Variants in ATP8B1 observed in about 807,000 individuals in gnomAD.
ATP8B1 encodes the protein phospholipid-transporting ATPase IC.
In ATP8B1, 80 loss-of-function variants were observed where a neutral mutation model predicts 149.9. That is an observed-to-expected ratio of 0.53 (90% confidence interval 0.45 to 0.64). The LOEUF is 0.64. Among genes scored for constraint, ATP8B1 ranks in the 30% least tolerant of loss-of-function variants. The pLI is 0.00. For missense variants in ATP8B1, 1,247 were observed against 1,552.6 expected (o/e 0.80, Z 3.31); for synonymous variants, 536 against 562.8 (o/e 0.95, Z 0.67).
intron 1 of ATP8B1, among the ~76,000 whole-genome samples, chr18:57,763,013 G>GA (rs2080171722): frequency 6.6e-6 from 1 of 152,174 alleles, no homozygotes; most frequent in African/African-American, 2.4e-5. Flanking sequence ...CTAAGTGAGG[G>GA]AAAATGAACT....
At chr18:57,785,606 AG>A (rs1228818532) in intron 1 of ATP8B1, among the ~76,000 whole-genome samples, 2 of 152,164 alleles carry the variant, frequency 1.3e-5, no homozygotes, top group Non-Finnish European at 2.9e-5. Context: ...CCAGGGTTCA[AG>A]TGACTCTCCT....
chr18:57,763,263 G>A (rs900759630), intron 1 of ATP8B1, among the ~76,000 whole-genome samples: 2 of 152,030 alleles, frequency 1.3e-5, no homozygotes, highest in East Asian at 1.9e-4. Context: ...TTGGTGGCAC[G>A]TGCCTATAAT....
At chr18:57,716,155 C>G (rs895616635) in intron 2 of ATP8B1, among the ~76,000 whole-genome samples, 1 of 151,956 alleles carries the variant, frequency 6.6e-6, no homozygotes, top group African/African-American at 2.4e-5. Context: ...TTAGACAGTA[C>G]TTACAAGCCT....
At chr18:57,758,031 T>C (rs940062687) in intron 1 of ATP8B1, among the ~76,000 whole-genome samples, 3 of 152,082 alleles carry the variant, frequency 2.0e-5, no homozygotes, top group South Asian at 2.1e-4. Flanking sequence ...AAAATAGGGA[T>C]GGGGGTCTCA....
chr18:57,736,306 G>T (rs1381291877), intron 1 of ATP8B1, among the ~76,000 whole-genome samples: 1 of 152,092 alleles, frequency 6.6e-6, no homozygotes, highest in Non-Finnish European at 1.5e-5. Context: ...TTGCTGAGTA[G>T]AAGCTTTTTA....
chr18:57,745,838 T>C (rs1282126748), intron 1 of ATP8B1, among the ~76,000 whole-genome samples: 2 of 151,730 alleles, frequency 1.3e-5, no homozygotes, highest in Admixed American at 1.3e-4. Context: ...TTGAGAAAAT[T>C]TTTGTAAAGA....
intron 1 of ATP8B1, among the ~76,000 whole-genome samples, chr18:57,750,943 ACT>A (rs1451313672): frequency 4.6e-5 from 7 of 151,996 alleles, no homozygotes; most frequent in Non-Finnish European, 7.3e-5. Context: ...ACATGGTGAA[ACT>A]CTGTCTCTAG....
chr18:57,730,668 C>G (rs2123127350), intron 2 of ATP8B1, among the ~76,000 whole-genome samples: 1 of 152,304 alleles, frequency 6.6e-6, no homozygotes, highest in Non-Finnish European at 1.5e-5. Context: ...CGGTCACTTA[C>G]ACTCAACATT....
chr18:57,800,709 T>G (rs1446095682), intron 1 of ATP8B1, among the ~76,000 whole-genome samples: 1 of 152,200 alleles, frequency 6.6e-6, no homozygotes, highest in Non-Finnish European at 1.5e-5. Context: ...TGATAATATC[T>G]TTTCCCCTCA....
At chr18:57,719,413 C>T (rs924571026) in intron 2 of ATP8B1, among the ~76,000 whole-genome samples, 1 of 152,090 alleles carries the variant, frequency 6.6e-6, no homozygotes, top group Non-Finnish European at 1.5e-5. Flanking sequence ...GCACTGTGCG[C>T]GAGCCGAAGC....
At chr18:57,776,706 G>T (rs74411136) in intron 1 of ATP8B1, among the ~76,000 whole-genome samples, 4,265 of 148,848 alleles carry the variant, frequency 0.029, 76 homozygotes, top group Middle Eastern at 0.067. Context: ...AAAAAAGAAA[G>T]AAAAAAGCAA....
Position 57,702,725 on chromosome 18 carries a change from C to T in ATP8B1, c.394-1412G>A, listed in dbSNP as rs1235814716. Among the ~76,000 whole-genome samples, 6 of 152,092 alleles carry T rather than the reference C, an allele frequency of 3.9e-5. 1 individual carries two copies. On this transcript the variant is annotated intron_variant, in intron 4 of 27. Coordinates refer to ENST00000648908, the MANE Select transcript of ATP8B1 (RefSeq NM_001374385.1). Reference sequence around the variant, plus strand: ...ATACAAAATTAGCCAGGTGTGGTGGCGCATGCCTGTAATCCCAGCTACTCA... The same window carrying T: ...ATACAAAATTAGCCAGGTGTGGTGGTGCATGCCTGTAATCCCAGCTACTCA...
At chr18:57,714,955 C>G (rs2079570440) in intron 2 of ATP8B1, among the ~76,000 whole-genome samples, 1 of 152,168 alleles carries the variant, frequency 6.6e-6, no homozygotes, top group Admixed American at 6.5e-5. Flanking sequence ...CTAAATAAGA[C>G]ACCAGGGGCC....
chr18:57,756,673 T>TCTCTCTCTCTC (rs1233368167), intron 1 of ATP8B1, among the ~76,000 whole-genome samples: 35 of 87,232 alleles, frequency 4.0e-4, no homozygotes, highest in African/African-American at 1.2e-3. Flanking sequence ...CTCTCTCTCT[T>TCTCTCTCTCTC]TTTAAAACTG....
intron 1 of ATP8B1, among the ~76,000 whole-genome samples, chr18:57,760,041 A>G (rs983795015): frequency 1.3e-5 from 2 of 152,164 alleles, no homozygotes; most frequent in Admixed American, 1.3e-4. Context: ...GAAAGAAGCT[A>G]TCACTCCAAA....
intron 2 of ATP8B1, among the ~76,000 whole-genome samples, chr18:57,722,867 G>T (rs1374366063): frequency 6.7e-6 from 1 of 148,660 alleles, no homozygotes; most frequent in Non-Finnish European, 1.5e-5. Flanking sequence ...CTGGCAAACC[G>T]AATCCAGCAA....
chr18:57,716,318 A>C (rs2079582615), intron 2 of ATP8B1, among the ~76,000 whole-genome samples: 2 of 152,142 alleles, frequency 1.3e-5, no homozygotes, highest in South Asian at 4.1e-4. Context: ...ACCGGAAAAC[A>C]TAACAAAATG....
intron 16 of ATP8B1, among the ~76,000 whole-genome samples, chr18:57,671,913 C>T (rs1911237002): frequency 6.6e-6 from 1 of 152,192 alleles, no homozygotes; most frequent in South Asian, 2.1e-4. Context: ...TGAGTTACCA[C>T]ACCCAGCTAA....
chr18:57,795,496 A>G (rs1321199044), intron 1 of ATP8B1, among the ~76,000 whole-genome samples: 2 of 152,256 alleles, frequency 1.3e-5, no homozygotes. Flanking sequence ...AAAATGTGGT[A>G]TGTGCATACA....
Sources: allele counts gnomAD v4.1 joint callset (sites outside exome capture counted in the v4.1 genomes callset), GRCh38; gene constraint gnomAD v4.1.1; transcripts MANE v1.5; gene names NCBI Gene and HGNC (gene_info 2026-07-23, HGNC 2026-07-21).